Variants in TYW3 observed in about 807,000 individuals in gnomAD.
The protein encoded by TYW3 is tRNA-yW synthesizing protein 3 homolog.
A neutral mutation model predicts 23.1 loss-of-function variants in TYW3; 26 were observed. The ratio of observed to expected loss-of-function variants is 1.13; its 90% confidence interval spans 0.83 to 1.56. The LOEUF (loss-of-function observed/expected upper bound fraction) is 1.56, where lower values mean the gene tolerates loss of function less well. Ranked by LOEUF, TYW3 falls within the 40% of genes most tolerant of loss-of-function variation. TYW3 has a pLI of 0.00. For synonymous variants in TYW3, 102 were observed against 105.7 expected, an observed-to-expected ratio of 0.97 and a Z score of 0.21; for missense variants, 316 against 311.9, an observed-to-expected ratio of 1.01 and a Z score of -0.10.
Position 74,764,477 on chromosome 1 carries a change from A to C in TYW3, c.*364A>C, listed in dbSNP as rs937760551. On this transcript the variant is annotated 3_prime_UTR_variant, in exon 6 of 6. Transcript: ENST00000370867. ...TGGATACATTTTGAAAAGGGATAGC[A>C]TAAATATTTTAAGTAAAAAGACCTT... is the stretch of plus-strand genomic sequence containing the variant. 1 of 162,228 alleles carries C rather than the reference A, an allele frequency of 6.2e-6. No homozygotes were observed. Among genetic ancestry groups the C allele is most frequent in the African/African-American group, 2.4e-5 (1 of 41,962 alleles). The allele number at this position is 162,228 out of a possible 1,614,324, so 10.0% of individuals were successfully genotyped here.
intron 3 of TYW3, among the ~76,000 whole-genome samples, chr1:74,745,396 G>C (rs1648523829): frequency 6.6e-6 from 1 of 152,162 alleles, no homozygotes; most frequent in African/African-American, 2.4e-5. Flanking sequence ...ATTTTACAGA[G>C]TGCTGATTGG....
intron 5 of TYW3, among the ~76,000 whole-genome samples, chr1:74,756,478 A>G (rs1158683216): frequency 6.6e-6 from 1 of 152,206 alleles, no homozygotes; most frequent in Admixed American, 6.5e-5. Context: ...AGAGACTGGC[A>G]GCATTTTACC....
At chr1:74,750,800 C>CTTTTTTT (rs34468239) in intron 4 of TYW3, among the ~76,000 whole-genome samples, 35 of 67,672 alleles carry the variant, frequency 5.2e-4, no homozygotes, top group Non-Finnish European at 7.2e-4. Flanking sequence ...TCCCCCGCTC[C>CTTTTTTT]TTTTTTTTTT....
intron 1 of TYW3, among the ~76,000 whole-genome samples, chr1:74,734,700 A>G (rs1171046535): frequency 2.0e-5 from 3 of 152,204 alleles, no homozygotes; most frequent in Non-Finnish European, 2.9e-5. Flanking sequence ...ACCACGGGCT[A>G]TGTGACCTTA....
chr1:74,752,163 A>G (rs1648805668), intron 4 of TYW3, 129 bp from the exon 5 acceptor site: 3 of 869,166 alleles, frequency 3.5e-6, no homozygotes, highest in East Asian at 5.8e-5. Flanking sequence ...AATTCTATCA[A>G]AGCGCTAACT....
rs186642309 is a variant in TYW3, at chr1:74,736,824, A to G, written c.255+202A>G. On this transcript the variant is annotated intron_variant, in intron 2 of 5. Transcript: ENST00000370867. ...ATGGAAGCATTACTTACTGCTACTC[A>G]ACAAAACACATCCTCTTGGACACAG... 3.6e-3 allele frequency among the ~76,000 whole-genome samples: 548 copies of G among 152,308 alleles called. 1 individual carries two copies. Among genetic ancestry groups the G allele is most frequent in the African/African-American group, 0.012 (503 of 41,556 alleles).
chr1:74,747,054 A>G (rs1648586318), intron 3 of TYW3, among the ~76,000 whole-genome samples: 2 of 152,220 alleles, frequency 1.3e-5, no homozygotes, highest in South Asian at 4.1e-4. Context: ...ATCATTAGTC[A>G]TGGTTTAGAG....
chr1:74,736,720 A>C, intron 2 of TYW3, 98 bp downstream of exon 2: 1 of 911,338 alleles, frequency 1.1e-6, no homozygotes. Flanking sequence ...TTATATGCAG[A>C]GTTATAATGG....
rs1648252206 is a variant in TYW3 at position 74,738,842 on chromosome 1, T to C, written c.354+54T>C. 3 of 1,348,020 alleles carry C rather than the reference T, an allele frequency of 2.2e-6. No homozygotes were observed. In the Admixed American group the frequency reaches 5.5e-5, roughly 25 times the overall value. 83.5% of individuals were successfully genotyped at this position (1,348,020 alleles called of 1,614,324 possible). ...TTTATAGATATGTGGGTAGATGTAA[T>C]TTTAAGCTTTTAACCTGCTATAAAT... On this transcript the variant is annotated intron_variant, in intron 3 of 5. Coordinates refer to ENST00000370867, the MANE Select transcript of TYW3 (RefSeq NM_138467.3).
intron 4 of TYW3, among the ~76,000 whole-genome samples, chr1:74,751,653 A>G (rs576356243): frequency 9.2e-5 from 14 of 152,204 alleles, no homozygotes; most frequent in Admixed American, 3.9e-4. Context: ...CGGGGCAACA[A>G]GAGTGAAACT....
intron 5 of TYW3, among the ~76,000 whole-genome samples, chr1:74,762,922 A>T (rs747221715): frequency 6.6e-6 from 1 of 152,206 alleles, no homozygotes; most frequent in African/African-American, 2.4e-5. Flanking sequence ...AGTTTATTGT[A>T]TCACAAAACT....
At position 74,752,444 on chromosome 1, in the gene TYW3, T is replaced by C; in HGVS notation, c.560+19T>C. 6.2e-7 allele frequency: 1 copy of C among 1,607,752 alleles called. No homozygotes were observed. The highest frequency in any genetic ancestry group is 1.1e-5 in the South Asian group (1 of 89,718). ...TTGAGAGGTATATTAATTGGGTATT[T>C]CCATGTTATTCTTATATGCCTAGAT... On this transcript the variant is annotated intron_variant, in intron 5 of 5. Coordinates refer to ENST00000370867, the MANE Select transcript of TYW3 (RefSeq NM_138467.3).
intron 3 of TYW3, among the ~76,000 whole-genome samples, chr1:74,743,976 GAGA>G (rs1570059314): frequency 6.6e-6 from 1 of 152,244 alleles, no homozygotes; most frequent in South Asian, 2.1e-4. Context: ...ATCAGAGAGG[GAGA>G]AGGAGACATG....
chr1:74,747,182 A>G lies in TYW3; in HGVS notation c.355-1569A>G, dbSNP rs113484399. Among the ~76,000 whole-genome samples, 265 of 152,312 alleles carry G rather than the reference A, an allele frequency of 1.7e-3. 1 individual carries two copies. The highest frequency in any genetic ancestry group is 6.1e-3 in the African/African-American group (252 of 41,570). On this transcript the variant is annotated intron_variant, in intron 3 of 5. Transcript: ENST00000370867. ...GAGAGAGGTGATGGAGACTTGAAAA[A>G]GAGTGGGCAGTGGATGTGGCAAGAG...
At chr1:74,761,743 T>C (rs1483868121) in intron 5 of TYW3, 1 of 152,150 alleles carries the variant, frequency 6.6e-6, no homozygotes, top group Non-Finnish European at 1.5e-5. Flanking sequence ...AAGTCAAGCA[T>C]AGAAGTTTTC....
At chr1:74,754,152 C>T (rs1648876876) in intron 5 of TYW3, among the ~76,000 whole-genome samples, 1 of 152,112 alleles carries the variant, frequency 6.6e-6, no homozygotes, top group Non-Finnish European at 1.5e-5. Flanking sequence ...TTTGCTAAAA[C>T]ATAGGAGGTA....
rs1222927012 is a variant in TYW3 at position 74,766,347 on chromosome 1, T to G, written c.*2234T>G. The G allele has an allele frequency of 6.6e-6, 1 of 152,102 alleles. No individual in the cohort carries two copies. The highest frequency in any genetic ancestry group is 1.5e-5 in the Non-Finnish European group (1 of 68,026). The allele number at this position is 152,102 out of a possible 1,614,324, so 9.4% of individuals were successfully genotyped here. On this transcript the variant is annotated 3_prime_UTR_variant, in exon 6 of 6. Coordinates refer to ENST00000370867, the MANE Select transcript of TYW3 (RefSeq NM_138467.3). ...CATTGTTATCATAGAAGGTGACAGCTTCATGTGTGTTATTGCCCCTGAAGA... is the reference window on the plus strand; with the variant it reads ...CATTGTTATCATAGAAGGTGACAGCGTCATGTGTGTTATTGCCCCTGAAGA...
rs1215842918 is a variant in TYW3 at position 74,733,377 on chromosome 1, A to C, written c.133A>C (p.Thr45Pro). The C allele has an allele frequency of 6.2e-7, 1 of 1,614,102 alleles. No individual in the cohort carries two copies. Among genetic ancestry groups the C allele is most frequent in the Non-Finnish European group, 8.5e-7 (1 of 1,180,012 alleles). ...TCTGAACATGCGAGATCAGTTTTTC[A>C]CCACCAGCTCCTGCGCTGGCCGCAT... is the stretch of plus-strand genomic sequence containing the variant. ...QFLNMRDQFF[T>P]TSSCAGRILL... Residue 45 changes from threonine (T) to proline (P), a missense_variant, in exon 1 of 6, where the codon ACC (threonine) becomes CCC (proline). Coordinates refer to ENST00000370867, the MANE Select transcript of TYW3 (RefSeq NM_138467.3).
In TYW3 at chr1:74,765,749, G is replaced by A. The variant is rs982043892; in HGVS notation, c.*1636G>A. On this transcript the variant is annotated 3_prime_UTR_variant, in exon 6 of 6. Coordinates refer to ENST00000370867, the MANE Select transcript of TYW3 (RefSeq NM_138467.3). ...AGTTTTAAAATCTAAGAGGCTCATT[G>A]ACTTTTCTTCATTCATTTAAATTGA... 8 of 152,060 alleles carry A rather than the reference G, an allele frequency of 5.3e-5. No individual in the cohort carries two copies. The highest frequency in any genetic ancestry group is 5.3e-4 in the Admixed American group (8 of 15,234). 9.4% of individuals were successfully genotyped at this position (152,060 alleles called of 1,614,324 possible). A position where few individuals can be genotyped will look rare whatever the true frequency, so the allele number is the denominator to read the frequency against.
Sources: gnomAD v4.1 joint callset for allele counts (sites outside exome capture counted in the v4.1 genomes callset) on GRCh38, gnomAD v4.1.1 for gene constraint, MANE v1.5 for transcripts, NCBI Gene and HGNC (gene_info 2026-07-23, HGNC 2026-07-21) for gene names.